The following ANKS1B variants were observed in gnomAD, a reference collection of about 807,000 sequenced individuals.
The protein encoded by ANKS1B is ankyrin repeat and sterile alpha motif domain-containing protein 1B.
ANKS1B carries 36 observed loss-of-function variants against 148.3 expected under a neutral mutation model. That is an observed-to-expected ratio of 0.24 (90% confidence interval 0.19 to 0.32). The LOEUF (loss-of-function observed/expected upper bound fraction) is 0.32, where lower values mean the gene tolerates loss of function less well. Ranked by LOEUF, ANKS1B falls within the 10% of genes least tolerant of loss-of-function variation. The pLI is 1.00. For synonymous variants in ANKS1B, 542 were observed against 560.8 expected (o/e 0.97, Z 0.47); for missense variants, 1,157 against 1,542.6 (o/e 0.75, Z 4.19).
chr12:99,935,018 GTA>G (rs1317888845), intron 1 of ANKS1B, among the ~76,000 whole-genome samples: 1 of 151,924 alleles, frequency 6.6e-6, no homozygotes, highest in Middle Eastern at 3.2e-3. Context: ...ATATTTGAAT[GTA>G]TATACAGTCC....
chr12:99,376,224 C>T lies in ANKS1B; in HGVS notation c.1756+23407G>A, dbSNP rs1182174033. ...CATTATCATGCCAACTCTGTGGATA[C>T]GAAAAAAAATGCATGAGTGGAGTGA... is the stretch of plus-strand genomic sequence containing the variant. On this transcript the variant is annotated intron_variant, in intron 12 of 26. Transcript: ENST00000683438. Among the ~76,000 whole-genome samples the T allele has an allele frequency of 5.3e-5, 8 of 151,966 alleles. No homozygotes were observed. In the East Asian group the frequency reaches 7.7e-4, roughly 15 times the overall value.
chr12:99,604,358 C>A (rs567020588), intron 9 of ANKS1B, among the ~76,000 whole-genome samples: 9 of 151,930 alleles, frequency 5.9e-5, no homozygotes, highest in Non-Finnish European at 1.5e-5. Context: ...ATCAAATAAG[C>A]CAACTGGCTT....
intron 9 of ANKS1B, chr12:99,649,326 C>A (rs1290182501): frequency 1.9e-6 from 3 of 1,614,028 alleles, no homozygotes; most frequent in Non-Finnish European, 2.5e-6. Flanking sequence ...AGGAGCAATT[C>A]AGAATCAGTA....
intron 12 of ANKS1B, among the ~76,000 whole-genome samples, chr12:99,314,947 A>C (rs537422948): frequency 6.6e-6 from 1 of 152,350 alleles, no homozygotes; most frequent in South Asian, 2.1e-4. Flanking sequence ...TCTGCACAGC[A>C]AAAGAAACTA....
intron 14 of ANKS1B, among the ~76,000 whole-genome samples, chr12:99,238,958 G>A (rs539567624): frequency 3.9e-5 from 6 of 152,256 alleles, no homozygotes; most frequent in South Asian, 2.1e-4. Context: ...AAAAAAATGG[G>A]AGAAACCACT....
intron 17 of ANKS1B, among the ~76,000 whole-genome samples, chr12:98,912,837 T>A (rs139473733): frequency 2.0e-5 from 3 of 152,348 alleles, no homozygotes; most frequent in East Asian, 3.9e-4. Flanking sequence ...CAACATTAAA[T>A]GACCCGGACT....
chr12:99,588,253 T>C (rs1467909752), intron 9 of ANKS1B, among the ~76,000 whole-genome samples: 2 of 152,188 alleles, frequency 1.3e-5, no homozygotes, highest in East Asian at 3.8e-4. Context: ...GGTTATTCAA[T>C]ATAAATTCAC....
In ANKS1B at chr12:99,399,640, T is replaced by C; in HGVS notation, c.1747A>G (p.Asn583Asp). Residue 583 changes from asparagine (N) to aspartate (D), a missense_variant, in exon 12 of 27, where the codon AAC (asparagine) becomes GAC (aspartate). Asn to Asp is a conservative substitution (Grantham distance 23). Coordinates refer to ENST00000683438, the MANE Select transcript of ANKS1B (RefSeq NM_001352186.2). ...GTTEVKNEGT[N>D]HTDDLSRQDD... ...AAGTGAACTGCTTTACCTGTATGGT[T>C]AGTTCCCTCATTCTTGACTTCTGTG... 1.2e-6 allele frequency: 2 copies of C among 1,613,262 alleles called. No homozygotes were observed. Among genetic ancestry groups the C allele is most frequent in the Non-Finnish European group, 1.7e-6 (2 of 1,179,326 alleles).
intron 1 of ANKS1B, among the ~76,000 whole-genome samples, chr12:99,837,731 A>C (rs944294321): frequency 4.6e-5 from 7 of 152,068 alleles, no homozygotes; most frequent in Non-Finnish European, 8.8e-5. Flanking sequence ...ACTACATTAT[A>C]CTTCAGTCTC....
chr12:98,751,304 CT>C lies in ANKS1B; in HGVS notation c.3747+50del. 3.2e-6 allele frequency: 5 copies of C among 1,586,086 alleles called. No homozygotes were observed. The highest frequency in any genetic ancestry group is 4.3e-6 in the Non-Finnish European group (5 of 1,164,474). The stretch of plus-strand genomic sequence containing the variant: ...CACACAAGGGCCTGGTTAGCAGCCC[CT>C]TTTCCTCCTGTTCAAGGTTTTTTAG... On this transcript the variant is annotated intron_variant, in intron 26 of 26. Coordinates refer to ENST00000683438, the MANE Select transcript of ANKS1B (RefSeq NM_001352186.2). This position sits in a 1 kb window ranked among gnomAD's most constrained non-coding sequence, Gnocchi z 4.3.
At chr12:99,180,251 C>G (rs1164794027) in intron 14 of ANKS1B, among the ~76,000 whole-genome samples, 1 of 152,134 alleles carries the variant, frequency 6.6e-6, no homozygotes, top group Non-Finnish European at 1.5e-5. Flanking sequence ...GCATTTTAAA[C>G]TTTTGATACT....
Position 99,174,164 on chromosome 12 carries a change from A to G in ANKS1B, c.2420-19769T>C, listed in dbSNP as rs146068051. Among the ~76,000 whole-genome samples the G allele has an allele frequency of 4.6e-5, 7 of 152,310 alleles. No individual in the cohort carries two copies. In the East Asian group the frequency reaches 1.4e-3, roughly 29 times the overall value. ...CGTGCCAAGGAATTGAAGAAAATCT[A>G]TGGCCAACAGCCATCTAAGAAAGGA... On this transcript the variant is annotated intron_variant, in intron 14 of 26. Coordinates refer to ENST00000683438, the MANE Select transcript of ANKS1B (RefSeq NM_001352186.2).
intron 16 of ANKS1B, among the ~76,000 whole-genome samples, chr12:99,060,653 TCACACA>T (rs35515489): frequency 0.048 from 5,997 of 126,024 alleles, 264 homozygotes; most frequent in African/African-American, 0.12. Context: ...TATATACACA[TCACACA>T]CACACACACA....
In ANKS1B at chr12:99,648,156, T is replaced by C; in HGVS notation, c.1272+6911A>G. 1.9e-6 allele frequency: 3 copies of C among 1,588,362 alleles called. No homozygotes were observed. The South Asian group carries it at 3.3e-5, about 18-fold the overall frequency. On this transcript the variant is annotated intron_variant, in intron 9 of 26. Transcript: ENST00000683438. ...GGTGTGGAGCAGCTGCTGGGAACTG[T>C]CTTGATTTAAAGGAAGACATGGAGG...
At chr12:98,758,931 C>T (rs915868696) in intron 25 of ANKS1B, among the ~76,000 whole-genome samples, 5 of 148,706 alleles carry the variant, frequency 3.4e-5, no homozygotes, top group Admixed American at 6.7e-5. Flanking sequence ...TAGGCGTGCA[C>T]GCCTGGCTAA....
At chr12:99,043,935 A>G (rs1238196546) in intron 17 of ANKS1B, among the ~76,000 whole-genome samples, 1 of 152,228 alleles carries the variant, frequency 6.6e-6, no homozygotes, top group Non-Finnish European at 1.5e-5. Flanking sequence ...CCAGGTAAAA[A>G]AAATCTATCT....
chr12:99,612,594 G>C (rs966720472), intron 9 of ANKS1B, among the ~76,000 whole-genome samples: 1 of 152,064 alleles, frequency 6.6e-6, no homozygotes, highest in Non-Finnish European at 1.5e-5. Flanking sequence ...AGCACCATGA[G>C]AGGTTCTTTC....
At chr12:99,305,300 T>C (rs903954009) in intron 12 of ANKS1B, among the ~76,000 whole-genome samples, 1 of 152,086 alleles carries the variant, frequency 6.6e-6, no homozygotes, top group East Asian at 1.9e-4. Flanking sequence ...ATCCAAACTA[T>C]ATCAGTACCT....
At chr12:99,864,717 T>C (rs1025301923) in intron 1 of ANKS1B, among the ~76,000 whole-genome samples, 1 of 152,180 alleles carries the variant, frequency 6.6e-6, no homozygotes, top group East Asian at 1.9e-4. Context: ...TGTGAAATGA[T>C]ATAATAACAT....
Sources: gnomAD v4.1 joint callset for allele counts (sites outside exome capture counted in the v4.1 genomes callset) on GRCh38, gnomAD v4.1.1 for gene constraint, Gnocchi (gnomAD v3.1) non-coding constraint, MANE v1.5 for transcripts, NCBI Gene and HGNC (gene_info 2026-07-23, HGNC 2026-07-21) for gene names.